ZNF143: variants seen among roughly 807,000 people sequenced by gnomAD.
ZNF143 encodes the protein zinc finger protein 143.
ZNF143 carries 49 observed loss-of-function variants against 74.1 expected under a neutral mutation model. That is an observed-to-expected ratio of 0.66 (90% CI 0.53 to 0.84). The LOEUF is 0.84. Ranked by LOEUF, ZNF143 falls within the 40% of genes least tolerant of loss-of-function variation. ZNF143 has a pLI of 0.00. For missense variants in ZNF143, 637 were observed against 793.4 expected (o/e 0.80, Z 2.37); for synonymous variants, 304 against 282.8 (o/e 1.07, Z -0.75).
At chr11:9,493,804 AAG>A (rs1847866612) in intron 7 of ZNF143, among the ~76,000 whole-genome samples, 2 of 152,208 alleles carry the variant, frequency 1.3e-5, no homozygotes, top group African/African-American at 4.8e-5. Context: ...CTATTTTAAA[AAG>A]CCTTTAAAAA....
At chr11:9,473,739 G>T in intron 3 of ZNF143, 2 of 1,504,360 alleles carry the variant, frequency 1.3e-6, no homozygotes, top group Non-Finnish European at 1.8e-6. Flanking sequence ...TTGCAGGGGA[G>T]GAAGGATGGC....
At chr11:9,500,515 C>A (rs1341653680) in intron 10 of ZNF143, among the ~76,000 whole-genome samples, 1 of 151,820 alleles carries the variant, frequency 6.6e-6, no homozygotes, top group Non-Finnish European at 1.5e-5. Context: ...CTCACTGCAA[C>A]CTCCGCCTCT....
intron 15 of ZNF143, 161 bp downstream of exon 15, chr11:9,525,547 C>A (rs1224917344): frequency 5.5e-6 from 5 of 907,842 alleles, no homozygotes; most frequent in Non-Finnish European, 7.0e-6. Context: ...GAGGTGGACT[C>A]AAAAAGACCA....
intron 7 of ZNF143, among the ~76,000 whole-genome samples, chr11:9,491,596 C>G (rs1847779479): frequency 6.6e-6 from 1 of 151,898 alleles, no homozygotes; most frequent in Admixed American, 6.6e-5. Context: ...GGAGATCGCA[C>G]CACCTCACTC....
intron 1 of ZNF143, among the ~76,000 whole-genome samples, chr11:9,463,075 G>A (rs1456046742): frequency 6.6e-6 from 1 of 152,114 alleles, no homozygotes; most frequent in African/African-American, 2.4e-5. Flanking sequence ...AAAGTATGTA[G>A]CCTTGTCCAG....
intron 7 of ZNF143, among the ~76,000 whole-genome samples, chr11:9,480,620 T>G (rs1483287624): frequency 6.6e-6 from 1 of 152,168 alleles, no homozygotes; most frequent in East Asian, 1.9e-4. Flanking sequence ...GCGTGGTGGC[T>G]CATGCCTGTA....
chr11:9,466,880 G>GTTT (rs145610313), intron 1 of ZNF143, among the ~76,000 whole-genome samples: 2 of 150,284 alleles, frequency 1.3e-5, no homozygotes, highest in Admixed American at 6.6e-5. Flanking sequence ...TAATACTCTG[G>GTTT]TTTTTTTTTG....
At chr11:9,501,339 C>T (rs920183198) in intron 11 of ZNF143, 69 bp downstream of exon 11, 3 of 1,532,100 alleles carry the variant, frequency 2.0e-6, no homozygotes, top group Middle Eastern at 1.7e-4. Context: ...TTTCCAGAAA[C>T]CATTTCCAAC....
At chr11:9,491,854 T>A (rs1216515185) in intron 7 of ZNF143, among the ~76,000 whole-genome samples, 1 of 152,208 alleles carries the variant, frequency 6.6e-6, no homozygotes, top group Non-Finnish European at 1.5e-5. Context: ...AGTCTCGAAC[T>A]CCTGATCTCA....
At chr11:9,482,948 T>A (rs1847306835) in intron 7 of ZNF143, among the ~76,000 whole-genome samples, 1 of 151,482 alleles carries the variant, frequency 6.6e-6, no homozygotes, top group African/African-American at 2.4e-5. Flanking sequence ...TTCTTTTAAT[T>A]TTTTTCAATT....
intron 11 of ZNF143, among the ~76,000 whole-genome samples, chr11:9,503,706 G>C (rs1288034744): frequency 6.7e-6 from 1 of 150,026 alleles, no homozygotes; most frequent in Admixed American, 6.7e-5. Flanking sequence ...GTAGTGGTGT[G>C]ATCTCAGCTC....
At chr11:9,477,194 C>T (rs1279008918) in intron 5 of ZNF143, among the ~76,000 whole-genome samples, 5 of 133,284 alleles carry the variant, frequency 3.8e-5, no homozygotes, top group Admixed American at 8.1e-5. Flanking sequence ...CCTCCTTTCC[C>T]TCCTTTCCCT....
intron 7 of ZNF143, among the ~76,000 whole-genome samples, chr11:9,485,146 A>G (rs1417372391): frequency 1.3e-5 from 2 of 150,892 alleles, no homozygotes; most frequent in Admixed American, 6.6e-5. Context: ...TAATTCAGGT[A>G]AAGTACAAAG....
Position 9,472,569 on chromosome 11 carries a change from G to A in ZNF143, c.113-108G>A, listed in dbSNP as rs190181874. Reference sequence around the variant, plus strand: ...ACCCGGCCGCTAAATCTCATTTTGAGTCTGAGTTAAGCAGTTTACCTTTTT... The same window carrying A: ...ACCCGGCCGCTAAATCTCATTTTGAATCTGAGTTAAGCAGTTTACCTTTTT... On this transcript the variant is annotated intron_variant, in intron 2 of 15. Transcript: ENST00000396602. The A allele has an allele frequency of 7.7e-5, 74 of 965,946 alleles. No individual in the cohort carries two copies. The African/African-American group carries it at 1.1e-3, about 14-fold the overall frequency. 59.8% of individuals were successfully genotyped at this position (965,946 alleles called of 1,614,324 possible). A position where few individuals can be genotyped will look rare whatever the true frequency, so the allele number is the denominator to read the frequency against.
intron 7 of ZNF143, among the ~76,000 whole-genome samples, chr11:9,486,377 TTA>T (rs1183238215): frequency 1.3e-4 from 5 of 37,148 alleles, no homozygotes; most frequent in African/African-American, 4.7e-4. Context: ...ATATAATATA[TTA>T]TATATATAAT....
intron 7 of ZNF143, among the ~76,000 whole-genome samples, chr11:9,483,428 C>CTGAG (rs1469054823): frequency 6.7e-6 from 1 of 149,250 alleles, no homozygotes; most frequent in Non-Finnish European, 1.5e-5. Flanking sequence ...TCCCGAGTAG[C>CTGAG]TGAGACTGCA....
At chr11:9,473,473 C>T (rs921897559) in intron 3 of ZNF143, among the ~76,000 whole-genome samples, 24 of 152,062 alleles carry the variant, frequency 1.6e-4, no homozygotes, top group African/African-American at 5.6e-4. Context: ...AGGAAACAGC[C>T]AAGTCCTCAA....
intron 7 of ZNF143, among the ~76,000 whole-genome samples, chr11:9,479,919 C>T (rs1394679464): frequency 6.6e-6 from 1 of 152,210 alleles, no homozygotes; most frequent in Non-Finnish European, 1.5e-5. Context: ...AAATAATCCT[C>T]ACTGCTTTGC....
chr11:9,467,139 G>A (rs890603786), intron 1 of ZNF143, among the ~76,000 whole-genome samples: 22 of 151,092 alleles, frequency 1.5e-4, no homozygotes, highest in African/African-American at 3.7e-4. Context: ...TGATCCACCC[G>A]CCTTGGCCTC....
Sources: gnomAD v4.1 joint callset for allele counts (sites outside exome capture counted in the v4.1 genomes callset) on GRCh38, gnomAD v4.1.1 for gene constraint, MANE v1.5 for transcripts, NCBI Gene and HGNC (gene_info 2026-07-23, HGNC 2026-07-21) for gene names.